The following AKAP10 variants were observed in gnomAD, a reference collection of about 807,000 sequenced individuals.
AKAP10 encodes A-kinase anchor protein 10, mitochondrial.
Under a neutral mutation model 80.8 loss-of-function variants are expected in AKAP10, and 24 were observed. The ratio of observed to expected loss-of-function variants is 0.30; its 90% CI spans 0.22 to 0.42. AKAP10 has a LOEUF of 0.42. AKAP10 is among the 10% of genes least tolerant of loss of function. The pLI, the probability that AKAP10 is intolerant of heterozygous loss-of-function variation, is 1.00. For missense variants in AKAP10, 661 were observed against 794.9 expected, an observed-to-expected ratio of 0.83 and a Z score of 2.03; for synonymous variants, 291 against 277.7, an observed-to-expected ratio of 1.05 and a Z score of -0.48.
chr17:19,918,103 C>T (rs1281287186), intron 12 of AKAP10, among the ~76,000 whole-genome samples: 1 of 151,128 alleles, frequency 6.6e-6, no homozygotes, highest in African/African-American at 2.4e-5. Context: ...GCCTGTAATC[C>T]CAGCTACTTG....
intron 1 of AKAP10, among the ~76,000 whole-genome samples, chr17:19,972,160 T>G (rs2043506228): frequency 6.6e-6 from 1 of 152,234 alleles, no homozygotes; most frequent in Admixed American, 6.5e-5. Flanking sequence ...TACCATTCCA[T>G]GCACTCATAT....
intron 4 of AKAP10, among the ~76,000 whole-genome samples, chr17:19,950,434 A>C (rs1459067278): frequency 1.3e-5 from 2 of 152,324 alleles, no homozygotes; most frequent in South Asian, 2.1e-4. Context: ...CTCAGCCTGC[A>C]GAGTGCCTGG....
chr17:19,948,132 T>C (rs1165489525), intron 4 of AKAP10, among the ~76,000 whole-genome samples: 2 of 152,196 alleles, frequency 1.3e-5, no homozygotes, highest in Non-Finnish European at 2.9e-5. Flanking sequence ...TATGAAATCC[T>C]AATAAGTATG....
At chr17:19,948,667 TAGAAGGC>T (rs1488536633) in intron 4 of AKAP10, among the ~76,000 whole-genome samples, 2 of 152,088 alleles carry the variant, frequency 1.3e-5, no homozygotes, top group Non-Finnish European at 2.9e-5. Context: ...GGGAGGTTCT[TAGAAGGC>T]AGAACGTGTC....
intron 5 of AKAP10, among the ~76,000 whole-genome samples, chr17:19,942,342 A>G (rs2043058823): frequency 6.6e-6 from 1 of 152,162 alleles, no homozygotes; most frequent in Admixed American, 6.5e-5. Flanking sequence ...AGACATACAT[A>G]CTCACTAGTA....
At chr17:19,918,149 G>C (rs549135478) in intron 12 of AKAP10, among the ~76,000 whole-genome samples, 1 of 151,572 alleles carries the variant, frequency 6.6e-6, no homozygotes, top group African/African-American at 2.4e-5. Flanking sequence ...GAACCCAGGA[G>C]GCAGAGGTTG....
chr17:19,916,520 T>A (rs1025865186), intron 12 of AKAP10, among the ~76,000 whole-genome samples: 1 of 152,010 alleles, frequency 6.6e-6, no homozygotes, highest in South Asian at 2.1e-4. Context: ...TTAATTCATA[T>A]AAAACAAACA....
intron 7 of AKAP10, 39 bp from the exon 8 acceptor site, chr17:19,939,888 A>C: frequency 6.3e-7 from 1 of 1,582,584 alleles, no homozygotes; most frequent in Non-Finnish European, 8.6e-7. Flanking sequence ...TAAGACTATA[A>C]ACAGATTTCT....
intron 5 of AKAP10, among the ~76,000 whole-genome samples, chr17:19,946,273 A>T (rs71372298): frequency 0.027 from 536 of 19,778 alleles, 38 homozygotes; most frequent in African/African-American, 0.05. Context: ...ATATATATAT[A>T]TATTTTTTTT....
chr17:19,955,327 T>C (rs1177301911), intron 4 of AKAP10, among the ~76,000 whole-genome samples: 1 of 151,944 alleles, frequency 6.6e-6, no homozygotes, highest in East Asian at 1.9e-4. Context: ...ACTTCAAAGG[T>C]GAAGGAACTA....
rs370515339 is a variant in AKAP10, at chr17:19,930,199, G to A, written c.1641+1606C>T. On this transcript the variant is annotated intron_variant, in intron 10 of 14. Transcript: ENST00000225737. ...AGGCCCAGTATTGAAAATTCAAAGGGTTATTTATTTGTCAACAGTAATTAG... is the reference window on the plus strand; with the variant it reads ...AGGCCCAGTATTGAAAATTCAAAGGATTATTTATTTGTCAACAGTAATTAG... Among the ~76,000 whole-genome samples, 5 of 152,076 alleles carry A rather than the reference G, an allele frequency of 3.3e-5. 1 individual carries two copies. The East Asian group carries it at 7.7e-4, about 23-fold the overall frequency.
chr17:19,962,688 C>T (rs1029413161), intron 3 of AKAP10, 152 bp downstream of exon 3: 5 of 724,028 alleles, frequency 6.9e-6, no homozygotes, highest in African/African-American at 5.4e-5. Context: ...AGGAACACAA[C>T]ACAGCTACCC....
rs568187872 is a variant in AKAP10 at position 19,970,689 on chromosome 17, G to A, written c.89-2228C>T. Among the ~76,000 whole-genome samples the A allele has an allele frequency of 3.9e-5, 6 of 152,252 alleles. No individual in the cohort carries two copies. In the South Asian group the frequency reaches 6.2e-4, roughly 16 times the overall value. On this transcript the variant is annotated intron_variant, in intron 1 of 14. Coordinates refer to ENST00000225737, the MANE Select transcript of AKAP10 (RefSeq NM_007202.4). ...AACACAAGAATTAGCAGGGTGTGGTGGCGGGTACCTGTAGTCCCAGCTACT... is the reference window on the plus strand; with the variant it reads ...AACACAAGAATTAGCAGGGTGTGGTAGCGGGTACCTGTAGTCCCAGCTACT...
Position 19,931,951 on chromosome 17 carries a change from T to G in AKAP10, c.1495A>C (p.Asn499His). ...KVFLPGFLSS[N>H]LYYKYLNDLI... ...TCATTCAAATATTTATAATAAAGAT[T>G]GCTGGACAAAAAGCCAGGCAAAAAG... Residue 499 changes from asparagine to histidine, a missense_variant, in exon 10 of 15, where the codon AAT (asparagine) becomes CAT (histidine). Asn to His is a moderately conservative substitution (Grantham distance 68). Transcript: ENST00000225737. 1.2e-6 allele frequency: 2 copies of G among 1,613,282 alleles called. No individual in the cohort carries two copies. The highest frequency in any genetic ancestry group is 1.7e-6 in the Non-Finnish European group (2 of 1,179,786).
At chr17:19,977,486 C>G (rs1011092413) in intron 1 of AKAP10, 106 bp downstream of exon 1, 19 of 885,440 alleles carry the variant, frequency 2.1e-5, no homozygotes, top group Non-Finnish European at 2.8e-5. Flanking sequence ...GGTCGAGGCT[C>G]GCTGAAGGCC....
chr17:19,925,818 C>T (rs2042870046), intron 10 of AKAP10, among the ~76,000 whole-genome samples: 1 of 151,962 alleles, frequency 6.6e-6, no homozygotes, highest in South Asian at 2.1e-4. Flanking sequence ...GGAATATTTC[C>T]CAACTAATTC....
intron 1 of AKAP10, among the ~76,000 whole-genome samples, chr17:19,972,540 TCGC>T (rs2043511726): frequency 6.6e-6 from 1 of 151,478 alleles, no homozygotes; most frequent in African/African-American, 2.4e-5. Flanking sequence ...ACTGCAAGCT[TCGC>T]CTCCCGGGTT....
chr17:19,946,266 TATA>T (rs2043125306), intron 5 of AKAP10, among the ~76,000 whole-genome samples: 1 of 31,886 alleles, frequency 3.1e-5, no homozygotes, highest in African/African-American at 1.2e-4. Context: ...TATATATATA[TATA>T]TATATATTTT....
chr17:19,933,622 A>G (rs1222436836), intron 9 of AKAP10, among the ~76,000 whole-genome samples: 1 of 152,194 alleles, frequency 6.6e-6, no homozygotes, highest in African/African-American at 2.4e-5. Context: ...TTAAAATCAG[A>G]AAAGGTTTAA....
Sources: allele counts gnomAD v4.1 joint callset (sites outside exome capture counted in the v4.1 genomes callset), GRCh38; gene constraint gnomAD v4.1.1; transcripts MANE v1.5; gene names NCBI Gene and HGNC (gene_info 2026-07-23, HGNC 2026-07-21).